Variants in CCDC178 observed in about 807,000 individuals in gnomAD.
CCDC178 encodes coiled-coil domain-containing protein 178.
In CCDC178, 126 loss-of-function variants were observed where a neutral mutation model predicts 117.4. The observed-to-expected ratio is 1.07, with a 90% CI of 0.93 to 1.24. The LOEUF (loss-of-function observed/expected upper bound fraction) is 1.24. Among genes scored for constraint, CCDC178 ranks in the 50% most tolerant of loss-of-function variants. CCDC178 has a pLI of 0.00. For missense variants in CCDC178, 1,030 were observed against 986.9 expected (o/e 1.04, Z -0.59); for synonymous variants, 283 against 313.4 (o/e 0.90, Z 1.02).
intron 21 of CCDC178, among the ~76,000 whole-genome samples, chr18:32,988,310 C>T (rs2055312256): frequency 6.6e-6 from 1 of 151,498 alleles, no homozygotes; most frequent in South Asian, 2.1e-4. Context: ...GTCGCGTATG[C>T]CTGTGGTCCC....
At chr18:33,349,243 G>A (rs1263599226) in intron 7 of CCDC178, among the ~76,000 whole-genome samples, 2 of 151,786 alleles carry the variant, frequency 1.3e-5, no homozygotes, top group Admixed American at 6.6e-5. Flanking sequence ...AAAGAAATTG[G>A]TCATTCCTAG....
At chr18:33,359,080 TAAG>T (rs1468166188) in intron 6 of CCDC178, among the ~76,000 whole-genome samples, 1 of 151,844 alleles carries the variant, frequency 6.6e-6, no homozygotes, top group African/African-American at 2.4e-5. Context: ...GTGACAGTTC[TAAG>T]AAGCCATTTG....
chr18:33,127,472 G>A (rs2058021727), intron 20 of CCDC178, among the ~76,000 whole-genome samples: 1 of 152,096 alleles, frequency 6.6e-6, no homozygotes, highest in South Asian at 2.1e-4. Context: ...GTCTCACTCT[G>A]CCACCCAGGC....
At chr18:33,057,457 C>A (rs1178733420) in intron 21 of CCDC178, among the ~76,000 whole-genome samples, 3 of 152,074 alleles carry the variant, frequency 2.0e-5, no homozygotes, top group Non-Finnish European at 4.4e-5. Context: ...CAGGTTGCAA[C>A]TCATTTAAGG....
intron 2 of CCDC178, among the ~76,000 whole-genome samples, chr18:33,419,529 G>C (rs2063994483): frequency 6.6e-6 from 1 of 152,088 alleles, no homozygotes; most frequent in Admixed American, 6.6e-5. Flanking sequence ...TTTTCTAACT[G>C]TGCATCTGAC....
At chr18:33,045,980 A>C (rs1040824775) in intron 21 of CCDC178, among the ~76,000 whole-genome samples, 18 of 152,204 alleles carry the variant, frequency 1.2e-4, no homozygotes, top group Non-Finnish European at 2.4e-4. Flanking sequence ...AGGCAGGAGA[A>C]TCATTTGAAC....
rs530630876 is a variant in CCDC178 at position 33,004,621 on chromosome 18, G to A, written c.2389-29940C>T. Among the ~76,000 whole-genome samples, 44 of 152,102 alleles carry A rather than the reference G, an allele frequency of 2.9e-4. No homozygotes were observed. The Middle Eastern group carries it at 0.01, about 35-fold the overall frequency. On this transcript the variant is annotated intron_variant, in intron 21 of 22. Coordinates refer to ENST00000383096, the MANE Select transcript of CCDC178 (RefSeq NM_001105528.4). ...ACCAAATCAAAAATGGACAAATGGG[G>A]TCGCATAAAGTTAAAAAGCTTCTGC...
intron 4 of CCDC178, among the ~76,000 whole-genome samples, chr18:33,394,977 A>ATATATATATG (rs2054322439): frequency 7.3e-6 from 1 of 136,924 alleles, no homozygotes; most frequent in Non-Finnish European, 1.6e-5. Context: ...ATATATATAT[A>ATATATATATG]TATATATATA....
At chr18:33,162,322 T>TA (rs2058475293) in intron 20 of CCDC178, among the ~76,000 whole-genome samples, 1 of 152,200 alleles carries the variant, frequency 6.6e-6, no homozygotes, top group Non-Finnish European at 1.5e-5. Context: ...CCCTAAAACT[T>TA]AAAGTATAAT....
intron 21 of CCDC178, among the ~76,000 whole-genome samples, chr18:33,012,043 A>T (rs77181796): frequency 0.01 from 1,533 of 152,252 alleles, 27 homozygotes; most frequent in African/African-American, 0.035. Flanking sequence ...TTTCTATCAC[A>T]ATAATTAAGT....
intron 20 of CCDC178, among the ~76,000 whole-genome samples, chr18:33,138,563 A>G (rs149977664): frequency 6.8e-4 from 104 of 152,358 alleles, no homozygotes; most frequent in Middle Eastern, 3.4e-3. Flanking sequence ...TACCCAATGC[A>G]CAGCATAGGT....
intron 22 of CCDC178, among the ~76,000 whole-genome samples, chr18:32,969,708 C>T (rs1359904405): frequency 6.6e-6 from 1 of 151,970 alleles, no homozygotes; most frequent in Non-Finnish European, 1.5e-5. Flanking sequence ...TAAAATACCA[C>T]AGATATACTC....
At chr18:33,290,348 T>G (rs1020433975) in intron 12 of CCDC178, among the ~76,000 whole-genome samples, 19 of 152,172 alleles carry the variant, frequency 1.2e-4, no homozygotes, top group Non-Finnish European at 2.5e-4. Flanking sequence ...TAAAAATAAC[T>G]TTAACATTAG....
At position 33,223,165 on chromosome 18, in the gene CCDC178, C is replaced by T. The variant is rs1417930248; in HGVS notation, c.1873G>A (p.Val625Ile). The change falls in exon 18 of 23, where the codon GTA (valine) becomes ATA (isoleucine). Residue 625 changes from valine (V) to isoleucine (I), a missense_variant. Coordinates refer to ENST00000383096, the MANE Select transcript of CCDC178 (RefSeq NM_001105528.4). ...CCCTTTTTTCGTAATTTTTTCTTTA[C>T]TTTTCCCACCTTTCTTCTAATAAGA... ...KDLIRRKVGK[V>I]KKKLRKKGKK... is the part of the protein sequence containing the mutation. 6.2e-7 allele frequency: 1 copy of T among 1,607,252 alleles called. No individual in the cohort carries two copies. The highest frequency in any genetic ancestry group is 1.7e-5 in the Admixed American group (1 of 59,640).
At chr18:33,020,309 C>T (rs894110090) in intron 21 of CCDC178, among the ~76,000 whole-genome samples, 6 of 151,880 alleles carry the variant, frequency 4.0e-5, no homozygotes, top group African/African-American at 1.5e-4. Flanking sequence ...TTGTGTTGTT[C>T]TCCGTTAAAC....
chr18:33,109,356 TC>T (rs1297731957), intron 20 of CCDC178, among the ~76,000 whole-genome samples: 2 of 151,624 alleles, frequency 1.3e-5, no homozygotes, highest in Non-Finnish European at 3.0e-5. Context: ...CTCTTTCAAA[TC>T]CAGAATATAT....
At chr18:33,140,691 A>G (rs573409593) in intron 20 of CCDC178, among the ~76,000 whole-genome samples, 1 of 152,246 alleles carries the variant, frequency 6.6e-6, no homozygotes, top group South Asian at 2.1e-4. Flanking sequence ...GAAGGAAGGG[A>G]CTTGCCTTGT....
At chr18:32,983,943 A>G (rs977541994) in intron 21 of CCDC178, among the ~76,000 whole-genome samples, 2 of 152,060 alleles carry the variant, frequency 1.3e-5, no homozygotes, top group African/African-American at 4.8e-5. Flanking sequence ...AATGACAGAT[A>G]TAAAAAATCC....
intron 2 of CCDC178, among the ~76,000 whole-genome samples, chr18:33,432,502 C>CACACAG (rs1555704590): frequency 6.6e-6 from 1 of 151,608 alleles, no homozygotes; most frequent in African/African-American, 2.4e-5. Flanking sequence ...CACACACACA[C>CACACAG]ACACACACAC....
Sources: gnomAD v4.1 joint callset for allele counts (sites outside exome capture counted in the v4.1 genomes callset) on GRCh38, gnomAD v4.1.1 for gene constraint, MANE v1.5 for transcripts, NCBI Gene and HGNC (gene_info 2026-07-23, HGNC 2026-07-21) for gene names.